MACROD2: variants seen among roughly 807,000 people sequenced by gnomAD.
MACROD2 encodes the protein mono-ADP ribosylhydrolase 2, also known as ADP-ribose glycohydrolase MACROD2.
In MACROD2, 36 loss-of-function variants were observed where a neutral mutation model predicts 70.4. The ratio of observed to expected loss-of-function variants is 0.51; its 90% confidence interval spans 0.39 to 0.68. The LOEUF (loss-of-function observed/expected upper bound fraction) is 0.68, where lower values mean the gene tolerates loss of function less well. Among genes scored for constraint, MACROD2 ranks in the 30% least tolerant of loss-of-function variants. The pLI is 0.00. For missense variants in MACROD2, 496 were observed against 538.4 expected, an observed-to-expected ratio of 0.92 and a Z score of 0.78; for synonymous variants, 172 against 178.8, an observed-to-expected ratio of 0.96 and a Z score of 0.30.
intron 3 of MACROD2, among the ~76,000 whole-genome samples, chr20:14,269,504 A>G (rs909143432): frequency 2.0e-5 from 3 of 152,198 alleles, no homozygotes; most frequent in Admixed American, 6.5e-5. Flanking sequence ...GGCAAAATCT[A>G]TCTTGTTATT....
At chr20:15,485,890 A>T (rs2047156888) in intron 7 of MACROD2, among the ~76,000 whole-genome samples, 1 of 152,200 alleles carries the variant, frequency 6.6e-6, no homozygotes, top group Admixed American at 6.5e-5. Context: ...GTAGAATAGT[A>T]AAAGATCTTG....
At chr20:15,885,992 A>C (rs182903101) in intron 10 of MACROD2, among the ~76,000 whole-genome samples, 181 bp downstream of exon 10, 319 of 152,326 alleles carry the variant, frequency 2.1e-3, no homozygotes, top group Middle Eastern at 0.01. Flanking sequence ...TGCTGTATTT[A>C]AGGAATAAAT....
intron 5 of MACROD2, among the ~76,000 whole-genome samples, chr20:15,160,597 A>C (rs1215728835): frequency 6.6e-6 from 1 of 152,070 alleles, no homozygotes; most frequent in East Asian, 1.9e-4. Context: ...CAGGAGAAAA[A>C]TAGACACGAT....
chr20:14,191,404 G>C (rs1354293014), intron 3 of MACROD2, among the ~76,000 whole-genome samples: 1 of 152,038 alleles, frequency 6.6e-6, no homozygotes, highest in Non-Finnish European at 1.5e-5. Context: ...CCAAATCTCA[G>C]GATCGTTTTT....
chr20:15,591,446 A>G (rs954195924), intron 8 of MACROD2, among the ~76,000 whole-genome samples: 1 of 152,008 alleles, frequency 6.6e-6, no homozygotes, highest in Non-Finnish European at 1.5e-5. Context: ...CATGACACCT[A>G]ATTCCTCTGC....
At chr20:15,066,812 G>A (rs1189561709) in intron 5 of MACROD2, among the ~76,000 whole-genome samples, 1 of 151,796 alleles carries the variant, frequency 6.6e-6, no homozygotes, top group African/African-American at 2.4e-5. Context: ...AACCCGCAAG[G>A]CGGAGGTTGC....
intron 8 of MACROD2, among the ~76,000 whole-genome samples, chr20:15,710,702 C>A (rs1338611656): frequency 6.6e-6 from 1 of 152,018 alleles, no homozygotes; most frequent in African/African-American, 2.4e-5. Context: ...TTGAAATCAC[C>A]AAGTCTGCAT....
At chr20:15,615,704 A>G (rs2049027778) in intron 8 of MACROD2, among the ~76,000 whole-genome samples, 2 of 152,116 alleles carry the variant, frequency 1.3e-5, no homozygotes, top group Admixed American at 1.3e-4. Flanking sequence ...CTCTTTCCCA[A>G]TTCCACTTTG....
chr20:14,504,680 T>C (rs1358210571), intron 4 of MACROD2, among the ~76,000 whole-genome samples: 1 of 152,220 alleles, frequency 6.6e-6, no homozygotes, highest in Non-Finnish European at 1.5e-5. Flanking sequence ...AAGCTAGGAA[T>C]TTCTAGGCTT....
intron 5 of MACROD2, among the ~76,000 whole-genome samples, chr20:15,152,755 G>T (rs2076280439): frequency 6.6e-6 from 1 of 152,046 alleles, no homozygotes; most frequent in African/African-American, 2.4e-5. Context: ...TCTGAAACCT[G>T]GGTGAATAAT....
chr20:14,510,130 C>T (rs1483950491), intron 4 of MACROD2, among the ~76,000 whole-genome samples: 1 of 151,942 alleles, frequency 6.6e-6, no homozygotes, highest in Non-Finnish European at 1.5e-5. Context: ...GTTCTGCTTT[C>T]TATTATCTTA....
In MACROD2 at chr20:15,469,378, A is replaced by T. The variant is rs148506994; in HGVS notation, c.572-30396A>T. Among the ~76,000 whole-genome samples the T allele has an allele frequency of 3.6e-4, 55 of 152,334 alleles. 1 individual carries two copies. In the East Asian group the frequency reaches 0.01, roughly 29 times the overall value. ...ATGGAAACTGGAACAAACAGGGTACACATGGAATACTGGGATGTGGCTGAA... is the reference window on the plus strand; with the variant it reads ...ATGGAAACTGGAACAAACAGGGTACTCATGGAATACTGGGATGTGGCTGAA... On this transcript the variant is annotated intron_variant, in intron 7 of 17. Coordinates refer to ENST00000684519, the MANE Select transcript of MACROD2 (RefSeq NM_001351661.2).
At chr20:14,156,687 C>T (rs534972945) in intron 3 of MACROD2, among the ~76,000 whole-genome samples, 1 of 152,236 alleles carries the variant, frequency 6.6e-6, no homozygotes, top group African/African-American at 2.4e-5. Context: ...ATGTAATTTT[C>T]ATCCAAACTG....
At chr20:14,331,414 A>T (rs939456084) in intron 3 of MACROD2, among the ~76,000 whole-genome samples, 2 of 152,126 alleles carry the variant, frequency 1.3e-5, no homozygotes, top group Non-Finnish European at 2.9e-5. Flanking sequence ...ATGCAAACTC[A>T]CATTTGCCAT....
At chr20:14,110,207 C>G (rs964872230) in intron 3 of MACROD2, among the ~76,000 whole-genome samples, 1 of 151,748 alleles carries the variant, frequency 6.6e-6, no homozygotes, top group Non-Finnish European at 1.5e-5. Context: ...TCTAAAAAAA[C>G]TCGGTATAGA....
At chr20:15,478,587 C>G (rs193161304) in intron 7 of MACROD2, among the ~76,000 whole-genome samples, 198 of 151,740 alleles carry the variant, frequency 1.3e-3, no homozygotes, top group Non-Finnish European at 2.1e-3. Context: ...CTTCCTCCCC[C>G]TTTATTAAGT....
At chr20:14,255,521 A>G (rs529678959) in intron 3 of MACROD2, among the ~76,000 whole-genome samples, 1 of 125,710 alleles carries the variant, frequency 8.0e-6, no homozygotes, top group East Asian at 2.7e-4. Flanking sequence ...AACATCACAC[A>G]CCGGGGCCTG....
rs900540095 is a variant in MACROD2 at position 14,326,172 on chromosome 20, A to G, written c.272-167307A>G. Reference sequence around the variant, plus strand: ...CTGTTATAGATCCAAATGCCGGGCTATGGCCCAGTTTAAGCCAGCTGAGTC... The same window carrying G: ...CTGTTATAGATCCAAATGCCGGGCTGTGGCCCAGTTTAAGCCAGCTGAGTC... On this transcript the variant is annotated intron_variant, in intron 3 of 17. Coordinates refer to ENST00000684519, the MANE Select transcript of MACROD2 (RefSeq NM_001351661.2). This position sits in a 1 kb window ranked among gnomAD's most constrained non-coding sequence, Gnocchi z 5.5. The G allele has an allele frequency of 3.1e-6, 5 of 1,613,898 alleles. No homozygotes were observed. Among genetic ancestry groups the G allele is most frequent in the Non-Finnish European group, 3.4e-6 (4 of 1,179,882 alleles).
chr20:15,589,697 T>A (rs2048652274), intron 8 of MACROD2, among the ~76,000 whole-genome samples: 1 of 152,216 alleles, frequency 6.6e-6, no homozygotes, highest in Non-Finnish European at 1.5e-5. Context: ...CTTCCAGCAA[T>A]CCCTGGCAAC....
Sources: allele counts gnomAD v4.1 joint callset (sites outside exome capture counted in the v4.1 genomes callset), GRCh38; gene constraint gnomAD v4.1.1; non-coding constraint Gnocchi (gnomAD v3.1); transcripts MANE v1.5; gene names NCBI Gene and HGNC (gene_info 2026-07-23, HGNC 2026-07-21).